SP2: variants seen among roughly 807,000 people sequenced by gnomAD.
The protein encoded by SP2 is transcription factor Sp2.
A neutral mutation model predicts 50.1 loss-of-function variants in SP2; 9 were observed. The ratio of observed to expected loss-of-function variants is 0.18; its 90% CI spans 0.11 to 0.31. The LOEUF is 0.31. SP2 is among the 10% of genes least tolerant of loss of function. The pLI is 1.00. For missense variants in SP2, 581 were observed against 806.5 expected, an observed-to-expected ratio of 0.72 and a Z score of 3.39; for synonymous variants, 313 against 326.6, an observed-to-expected ratio of 0.96 and a Z score of 0.45.
At chr17:47,901,163 T>TC (rs2034526808) in intron 1 of SP2, among the ~76,000 whole-genome samples, 1 of 152,056 alleles carries the variant, frequency 6.6e-6, no homozygotes, top group South Asian at 2.1e-4. Flanking sequence ...TTTTTTTTTT[T>TC]CTTGAGACGG....
At chr17:47,904,907 C>A (rs1168572834) in intron 1 of SP2, among the ~76,000 whole-genome samples, 1 of 152,150 alleles carries the variant, frequency 6.6e-6, no homozygotes, top group Non-Finnish European at 1.5e-5. Context: ...GGAGCTGGGA[C>A]TGCAGGCACA....
At chr17:47,901,439 C>G (rs1268630877) in intron 1 of SP2, among the ~76,000 whole-genome samples, 1 of 151,094 alleles carries the variant, frequency 6.6e-6, no homozygotes, top group Admixed American at 6.6e-5. Flanking sequence ...GCCACCGTGC[C>G]TGGCTTTGTT....
intron 4 of SP2, among the ~76,000 whole-genome samples, chr17:47,923,928 C>G (rs2035556198): frequency 1.3e-5 from 2 of 152,096 alleles, no homozygotes; most frequent in African/African-American, 4.8e-5. Flanking sequence ...TCTTGAACTC[C>G]TGACCTGGTG....
intron 3 of SP2, among the ~76,000 whole-genome samples, chr17:47,919,825 CTTTTTTTTTT>C (rs141856390): frequency 1.1e-5 from 1 of 94,800 alleles, no homozygotes; most frequent in Non-Finnish European, 1.9e-5. Flanking sequence ...TTTGTCATTC[CTTTTTTTTTT>C]TTTTTTTTTT....
At chr17:47,905,480 G>A (rs2034720897) in intron 1 of SP2, among the ~76,000 whole-genome samples, 1 of 152,260 alleles carries the variant, frequency 6.6e-6, no homozygotes, top group Non-Finnish European at 1.5e-5. Context: ...GGCCTGGGTT[G>A]TGGAGATGGA....
intron 3 of SP2, among the ~76,000 whole-genome samples, chr17:47,919,847 T>TTTC (rs775471593): frequency 1.0e-5 from 1 of 99,918 alleles, no homozygotes; most frequent in East Asian, 2.5e-4. Flanking sequence ...TTTTTTTTTT[T>TTTC]CTGTTTTTTT....
At chr17:47,920,161 G>C (rs2035390946) in intron 3 of SP2, among the ~76,000 whole-genome samples, 3 of 150,468 alleles carry the variant, frequency 2.0e-5, no homozygotes, top group African/African-American at 7.4e-5. Flanking sequence ...TTTCTCTTTG[G>C]CCATTGGCAG....
Position 47,928,705 on chromosome 17 carries a change from C to T in SP2, c.*881C>T, listed in dbSNP as rs113185113. On this transcript the variant is annotated 3_prime_UTR_variant, in exon 7 of 7. Transcript: ENST00000376741. ...TCACCCCTGCCCGGCCCAAGCTCTA[C>T]TTGTGTACAGTGTATATTGTATAAT... 6.5e-6 allele frequency: 1 copy of T among 152,844 alleles called. No homozygotes were observed. The highest frequency in any genetic ancestry group is 2.1e-4 in the South Asian group (1 of 4,830). The allele number at this position is 152,844 out of a possible 1,614,324, so 9.5% of individuals were successfully genotyped here. A position where few individuals can be genotyped will look rare whatever the true frequency, so the allele number is the denominator to read the frequency against.
At position 47,923,273 on chromosome 17, in the gene SP2, C is replaced by T. The variant is rs1357208300; in HGVS notation, c.1371C>T (p.Gly457=). ...TGCCTGTCACCATCACCAACACAGG[C>T]GGTGAGGATGGCCCCTGTGGCCAGG... ...QGVPVTITNT[G]GQQQLTVQNV... Residue 457 remains glycine, a splice_region_variant and synonymous_variant, in exon 4 of 7, where the codon GGC becomes GGT. Coordinates refer to ENST00000376741, the MANE Select transcript of SP2 (RefSeq NM_003110.6). The T allele has an allele frequency of 1.9e-6, 3 of 1,597,968 alleles. No individual in the cohort carries two copies. The highest frequency in any genetic ancestry group is 1.3e-5 in the African/African-American group (1 of 74,852).
At chr17:47,904,597 G>C (rs888834505) in intron 1 of SP2, among the ~76,000 whole-genome samples, 3 of 152,066 alleles carry the variant, frequency 2.0e-5, no homozygotes, top group Admixed American at 1.3e-4. Flanking sequence ...TCAGTAAAGG[G>C]TTAATGTGGA....
chr17:47,919,829 T>C (rs1341088681), intron 3 of SP2, among the ~76,000 whole-genome samples: 1 of 41,888 alleles, frequency 2.4e-5, no homozygotes, highest in African/African-American at 5.9e-5. Flanking sequence ...TCATTCCTTT[T>C]TTTTTTTTTT....
intron 5 of SP2, 50 bp downstream of exon 5, chr17:47,925,143 G>T: frequency 6.5e-7 from 1 of 1,550,100 alleles, no homozygotes; most frequent in Non-Finnish European, 8.7e-7. Flanking sequence ...TGTTCCCCAA[G>T]CCCCTCCTGG....
intron 3 of SP2, 147 bp downstream of exon 3, chr17:47,917,277 CT>C: frequency 1.4e-6 from 1 of 732,212 alleles, no homozygotes; most frequent in Admixed American, 2.7e-5. Context: ...CCGTTTCTAC[CT>C]GACAAATGGG....
In SP2 at chr17:47,919,359, A is replaced by G. The variant is rs146746480; in HGVS notation, c.1059+2229A>G. 4.1e-3 allele frequency among the ~76,000 whole-genome samples: 622 copies of G among 152,276 alleles called. 3 individuals carry two copies. The highest frequency in any genetic ancestry group is 0.014 in the African/African-American group (589 of 41,556). On this transcript the variant is annotated intron_variant, in intron 3 of 6. Coordinates refer to ENST00000376741, the MANE Select transcript of SP2 (RefSeq NM_003110.6). ...CATGAGTTCGAGATTGCAGTGAACTATGATCATTCTACTGCATTTTAGCCT... is the reference window on the plus strand; with the variant it reads ...CATGAGTTCGAGATTGCAGTGAACTGTGATCATTCTACTGCATTTTAGCCT...
intron 1 of SP2, among the ~76,000 whole-genome samples, chr17:47,911,550 T>A (rs1022147099): frequency 5.3e-5 from 8 of 150,972 alleles, no homozygotes; most frequent in Non-Finnish European, 1.2e-4. Flanking sequence ...GGCTCACGCC[T>A]GTAATCCCAG....
chr17:47,899,240 T>C (rs2034449823), intron 1 of SP2: 1 of 152,242 alleles, frequency 6.6e-6, no homozygotes, highest in Non-Finnish European at 1.5e-5. Context: ...AGATCTTTTT[T>C]TGGCTAGCAG....
intron 1 of SP2, among the ~76,000 whole-genome samples, chr17:47,911,823 C>T (rs2035000374): frequency 6.6e-6 from 1 of 150,492 alleles, no homozygotes. Context: ...AAAAAAAAAT[C>T]ACAGTGAAAA....
At chr17:47,925,284 C>T in intron 5 of SP2, 64 bp from the exon 6 acceptor site, 6 of 1,504,952 alleles carry the variant, frequency 4.0e-6, no homozygotes, top group Non-Finnish European at 5.5e-6. Flanking sequence ...GTTCCTGCCC[C>T]ATCCTCTACC....
At chr17:47,917,625 GTTT>G (rs11287341) in intron 3 of SP2, among the ~76,000 whole-genome samples, 7 of 141,054 alleles carry the variant, frequency 5.0e-5, no homozygotes, top group Admixed American at 7.1e-5. Flanking sequence ...GTTTTAGGGT[GTTT>G]TTTTTTTTTT....
Sources: allele counts gnomAD v4.1 joint callset (sites outside exome capture counted in the v4.1 genomes callset), GRCh38; gene constraint gnomAD v4.1.1; transcripts MANE v1.5; gene names NCBI Gene and HGNC (gene_info 2026-07-23, HGNC 2026-07-21).